GFRA1: variants seen among roughly 807,000 people sequenced by gnomAD.
GFRA1 encodes GDNF family receptor alpha 1.
In GFRA1, 16 loss-of-function variants were observed where a neutral mutation model predicts 51.6. The observed-to-expected ratio is 0.31, with a 90% CI of 0.21 to 0.47. The LOEUF is 0.47. Among genes scored for constraint, GFRA1 ranks in the 20% least tolerant of loss-of-function variants. The pLI, the probability that GFRA1 is intolerant of heterozygous loss-of-function variation, is 1.00. For synonymous variants in GFRA1, 270 were observed against 241.3 expected, an observed-to-expected ratio of 1.12 and a Z score of -1.10; for missense variants, 530 against 594.3, an observed-to-expected ratio of 0.89 and a Z score of 1.13.
At chr10:116,236,062 T>C (rs1457345815) in intron 4 of GFRA1, among the ~76,000 whole-genome samples, 1 of 152,136 alleles carries the variant, frequency 6.6e-6, no homozygotes, top group Admixed American at 6.5e-5. Flanking sequence ...GACAGAAGAA[T>C]TCAAGGAGGA....
At chr10:116,083,707 T>G (rs1955961650) in intron 9 of GFRA1, among the ~76,000 whole-genome samples, 1 of 152,206 alleles carries the variant, frequency 6.6e-6, no homozygotes, top group African/African-American at 2.4e-5. Flanking sequence ...TTTGGGGGTT[T>G]GCCCCCACAA....
intron 5 of GFRA1, among the ~76,000 whole-genome samples, chr10:116,157,158 T>A (rs533987301): frequency 1.1e-4 from 17 of 152,298 alleles, no homozygotes; most frequent in African/African-American, 4.1e-4. Context: ...TGGCATTAGC[T>A]CTCTGGGCGC....
intron 8 of GFRA1, among the ~76,000 whole-genome samples, chr10:116,090,307 C>A (rs545562936): frequency 1.3e-5 from 2 of 152,080 alleles, no homozygotes; most frequent in East Asian, 1.9e-4. Flanking sequence ...AATTCTTGTG[C>A]TCTGTCAATA....
intron 5 of GFRA1, among the ~76,000 whole-genome samples, chr10:116,167,162 T>G (rs1299162727): frequency 6.6e-6 from 1 of 152,154 alleles, no homozygotes; most frequent in African/African-American, 2.4e-5. Context: ...CTTTAACCTT[T>G]AAATAGCAGA....
chr10:116,111,267 A>T (rs1182761537), intron 6 of GFRA1, among the ~76,000 whole-genome samples: 5 of 152,192 alleles, frequency 3.3e-5, no homozygotes, highest in Admixed American at 6.5e-5. Flanking sequence ...CAACTTAGAG[A>T]CAACAGACTG....
chr10:116,151,760 ATTTC>A (rs1959073968), intron 5 of GFRA1, among the ~76,000 whole-genome samples: 1 of 152,146 alleles, frequency 6.6e-6, no homozygotes, highest in Non-Finnish European at 1.5e-5. Flanking sequence ...ATGGCCATTC[ATTTC>A]TTTGTTTATT....
At chr10:116,239,245 T>A (rs1290803589) in intron 4 of GFRA1, among the ~76,000 whole-genome samples, 1 of 152,270 alleles carries the variant, frequency 6.6e-6, no homozygotes, top group Non-Finnish European at 1.5e-5. Context: ...TCATATATAG[T>A]CAAAATACAG....
chr10:116,256,933 A>C (rs1381371625), intron 4 of GFRA1, among the ~76,000 whole-genome samples: 6 of 152,152 alleles, frequency 3.9e-5, no homozygotes, highest in Non-Finnish European at 8.8e-5. Flanking sequence ...CTAGGGAGCC[A>C]GGCACCCACA....
chr10:116,231,842 CA>C (rs1192393063), intron 4 of GFRA1, among the ~76,000 whole-genome samples: 1 of 152,184 alleles, frequency 6.6e-6, no homozygotes, highest in Non-Finnish European at 1.5e-5. Flanking sequence ...CCCGGGCACA[CA>C]AGCTTATTTA....
chr10:116,151,640 A>G (rs1959068506), intron 5 of GFRA1, among the ~76,000 whole-genome samples: 1 of 152,176 alleles, frequency 6.6e-6, no homozygotes, highest in South Asian at 2.1e-4. Flanking sequence ...TGGAATTTGC[A>G]AATGACATAG....
intron 5 of GFRA1, among the ~76,000 whole-genome samples, chr10:116,175,238 A>G (rs1231176735): frequency 6.6e-6 from 1 of 152,194 alleles, no homozygotes; most frequent in Non-Finnish European, 1.5e-5. Flanking sequence ...CTCCAGGTTA[A>G]TAGTGTCTGT....
intron 5 of GFRA1, among the ~76,000 whole-genome samples, chr10:116,133,456 T>C (rs1958189815): frequency 6.6e-6 from 1 of 152,108 alleles, no homozygotes; most frequent in Non-Finnish European, 1.5e-5. Context: ...GAAGGAGCCA[T>C]GGATTAGGAG....
intron 5 of GFRA1, among the ~76,000 whole-genome samples, chr10:116,189,937 A>C (rs1963096734): frequency 6.6e-6 from 1 of 152,230 alleles, no homozygotes; most frequent in Non-Finnish European, 1.5e-5. Flanking sequence ...AAGATGGTCA[A>C]AGCTCTCTAT....
chr10:116,268,047 C>T (rs530386570), intron 4 of GFRA1, among the ~76,000 whole-genome samples: 1 of 151,890 alleles, frequency 6.6e-6, no homozygotes, highest in Admixed American at 6.6e-5. Flanking sequence ...TATGAAGAAC[C>T]CAGCCTAGGG....
chr10:116,185,699 C>A (rs116511134), intron 5 of GFRA1, among the ~76,000 whole-genome samples: 2,093 of 152,286 alleles, frequency 0.014, 55 homozygotes, highest in African/African-American at 0.048. Context: ...GGCTTCTCCC[C>A]CTCCCTGTCC....
intron 9 of GFRA1, among the ~76,000 whole-genome samples, chr10:116,068,847 C>CA (rs3837359): frequency 0.26 from 39,710 of 152,076 alleles, 6,224 homozygotes; most frequent in African/African-American, 0.44. Context: ...TCAGCTATCA[C>CA]AAAAAGTACT....
At chr10:116,151,948 C>T (rs1416291716) in intron 5 of GFRA1, among the ~76,000 whole-genome samples, 1 of 152,042 alleles carries the variant, frequency 6.6e-6, no homozygotes, top group Non-Finnish European at 1.5e-5. Flanking sequence ...GGAAGAGCTC[C>T]CTGAGAGGTG....
intron 5 of GFRA1, among the ~76,000 whole-genome samples, chr10:116,194,041 T>TAAAAAAAAAA (rs903350740): frequency 2.1e-5 from 1 of 46,674 alleles, no homozygotes; most frequent in Non-Finnish European, 4.0e-5. Flanking sequence ...TCCGTCTCAA[T>TAAAAAAAAAA]AAAAAAAAAT....
chr10:116,170,354 C>A (rs1960905816), intron 5 of GFRA1, among the ~76,000 whole-genome samples: 1 of 152,198 alleles, frequency 6.6e-6, no homozygotes, highest in African/African-American at 2.4e-5. Context: ...ACACTACTCA[C>A]AAATGTCTTC....
Sources: allele counts gnomAD v4.1 joint callset (sites outside exome capture counted in the v4.1 genomes callset), GRCh38; gene constraint gnomAD v4.1.1; transcripts MANE v1.5; gene names NCBI Gene and HGNC (gene_info 2026-07-23, HGNC 2026-07-21).